The following FILIP1L variants were observed in gnomAD, a reference collection of about 807,000 sequenced individuals.
The protein encoded by FILIP1L is filamin A-interacting protein 1-like.
Under a neutral mutation model 96.6 loss-of-function variants are expected in FILIP1L, and 55 were observed. That is an observed-to-expected ratio of 0.57 (90% CI 0.46 to 0.71). The LOEUF is 0.71. Among genes scored for constraint, FILIP1L ranks in the 30% least tolerant of loss-of-function variants. The pLI is 0.00. For missense variants in FILIP1L, 1,304 were observed against 1,321.2 expected (o/e 0.99, Z 0.20); for synonymous variants, 467 against 473.9 (o/e 0.99, Z 0.19).
At chr3:99,899,297 A>G (rs1392685838) in intron 4 of FILIP1L, among the ~76,000 whole-genome samples, 2 of 152,222 alleles carry the variant, frequency 1.3e-5, no homozygotes, top group Admixed American at 6.5e-5. Context: ...TTGGTTTCCA[A>G]TACCAAGTTA....
At chr3:100,081,111 T>C (rs897805197) in intron 1 of FILIP1L, among the ~76,000 whole-genome samples, 2 of 152,196 alleles carry the variant, frequency 1.3e-5, no homozygotes, top group Non-Finnish European at 2.9e-5. Flanking sequence ...AGCCCCCTTA[T>C]TTGATGAGCC....
intron 1 of FILIP1L, among the ~76,000 whole-genome samples, chr3:100,029,514 A>G (rs1393423546): frequency 1.3e-5 from 2 of 152,204 alleles, no homozygotes; most frequent in Non-Finnish European, 2.9e-5. Context: ...AATATAGCCT[A>G]TATATACATA....
intron 1 of FILIP1L, among the ~76,000 whole-genome samples, chr3:100,111,715 TC>T (rs2066494237): frequency 6.6e-6 from 1 of 152,200 alleles, no homozygotes; most frequent in African/African-American, 2.4e-5. Flanking sequence ...GTCTTAGACT[TC>T]CTGTCTGACC....
chr3:99,832,017 C>T (rs1478598577), intron 5 of FILIP1L, among the ~76,000 whole-genome samples: 1 of 152,104 alleles, frequency 6.6e-6, no homozygotes, highest in East Asian at 1.9e-4. Flanking sequence ...AACACTGATA[C>T]GTGTTGGTGA....
intron 1 of FILIP1L, among the ~76,000 whole-genome samples, chr3:100,021,679 AT>A (rs1474944642): frequency 6.6e-6 from 1 of 152,188 alleles, no homozygotes; most frequent in African/African-American, 2.4e-5. Flanking sequence ...GGTTGCTTAT[AT>A]TTTTAAAATC....
intron 4 of FILIP1L, among the ~76,000 whole-genome samples, chr3:99,905,409 G>A (rs995106789): frequency 5.9e-5 from 9 of 152,062 alleles, no homozygotes; most frequent in Non-Finnish European, 1.2e-4. Flanking sequence ...GCTCTTACTA[G>A]GACTAATCTT....
At chr3:100,047,830 G>C (rs778667062) in intron 1 of FILIP1L, among the ~76,000 whole-genome samples, 2 of 147,050 alleles carry the variant, frequency 1.4e-5, no homozygotes, top group Non-Finnish European at 3.0e-5. Context: ...GAAGGCATTT[G>C]AAAAAAAAAA....
chr3:99,999,552 A>G (rs551929476), intron 1 of FILIP1L, among the ~76,000 whole-genome samples: 1 of 152,344 alleles, frequency 6.6e-6, no homozygotes, highest in South Asian at 2.1e-4. Flanking sequence ...TGTATAAGCT[A>G]AATCCTTGCC....
intron 4 of FILIP1L, among the ~76,000 whole-genome samples, chr3:99,896,247 G>C (rs938070969): frequency 2.6e-5 from 4 of 152,198 alleles, no homozygotes; most frequent in African/African-American, 9.7e-5. Flanking sequence ...GGCAACATAT[G>C]TTTGAAACAG....
intron 4 of FILIP1L, among the ~76,000 whole-genome samples, chr3:99,887,788 G>A (rs1226366628): frequency 2.0e-5 from 3 of 152,206 alleles, no homozygotes; most frequent in Non-Finnish European, 4.4e-5. Flanking sequence ...AGGCTGGAGT[G>A]CAGTGGCACA....
intron 4 of FILIP1L, among the ~76,000 whole-genome samples, chr3:99,919,118 G>A (rs1193260893): frequency 6.6e-6 from 1 of 152,018 alleles, no homozygotes; most frequent in African/African-American, 2.4e-5. Context: ...ACCCTTAAAA[G>A]CTGAGATTTA....
intron 1 of FILIP1L, among the ~76,000 whole-genome samples, chr3:100,102,326 G>A (rs1317801048): frequency 6.6e-6 from 1 of 152,100 alleles, no homozygotes; most frequent in Non-Finnish European, 1.5e-5. Flanking sequence ...ACTGGTATGA[G>A]ATGGTATCTC....
intron 1 of FILIP1L, among the ~76,000 whole-genome samples, chr3:100,053,238 A>C (rs2065403882): frequency 6.6e-6 from 1 of 152,190 alleles, no homozygotes; most frequent in Admixed American, 6.5e-5. Context: ...AGATTACCAC[A>C]AATTGGGTGA....
intron 4 of FILIP1L, among the ~76,000 whole-genome samples, chr3:99,920,258 C>T (rs561318231): frequency 6.6e-6 from 1 of 152,174 alleles, no homozygotes; most frequent in East Asian, 1.9e-4. Context: ...AAAAAAGCAA[C>T]TCTTTTTTTT....
intron 1 of FILIP1L, chr3:100,023,613 T>C (rs1388917184): frequency 1.3e-5 from 2 of 152,522 alleles, no homozygotes; most frequent in African/African-American, 2.4e-5. Flanking sequence ...GCTGTTTTAA[T>C]TATTTGCTCT....
At chr3:100,004,883 A>T (rs1006810014) in intron 1 of FILIP1L, among the ~76,000 whole-genome samples, 6 of 152,172 alleles carry the variant, frequency 3.9e-5, no homozygotes, top group African/African-American at 1.4e-4. Context: ...CAGGAGAATT[A>T]TTGGTGTCTG....
chr3:100,103,242 G>A (rs2066338706), intron 1 of FILIP1L, among the ~76,000 whole-genome samples: 1 of 152,212 alleles, frequency 6.6e-6, no homozygotes, highest in Non-Finnish European at 1.5e-5. Context: ...CCATGGAGAA[G>A]GCAGCAGCTC....
At chr3:99,912,060 A>T (rs990812463) in intron 4 of FILIP1L, among the ~76,000 whole-genome samples, 5 of 152,222 alleles carry the variant, frequency 3.3e-5, no homozygotes, top group African/African-American at 1.2e-4. Context: ...TTATCTCATG[A>T]GAAATCTACA....
At chr3:100,080,356 T>C (rs1028989402) in intron 1 of FILIP1L, among the ~76,000 whole-genome samples, 1 of 152,104 alleles carries the variant, frequency 6.6e-6, no homozygotes, top group Non-Finnish European at 1.5e-5. Flanking sequence ...GGGTTCTGAC[T>C]CTCCCTGAAC....
Sources: gnomAD v4.1 joint callset for allele counts (sites outside exome capture counted in the v4.1 genomes callset) on GRCh38, gnomAD v4.1.1 for gene constraint, MANE v1.5 for transcripts, NCBI Gene and HGNC (gene_info 2026-07-23, HGNC 2026-07-21) for gene names.